The following ZFP3 variants were observed in gnomAD, a reference collection of about 807,000 sequenced individuals.
The protein encoded by ZFP3 is zinc finger protein 3 homolog.
In ZFP3, 18 loss-of-function variants were observed where a neutral mutation model predicts 36.7. That is an observed-to-expected ratio of 0.49 (90% CI 0.34 to 0.73). The LOEUF is 0.73. ZFP3 is among the 30% of genes least tolerant of loss of function. The pLI is 0.01. For missense variants in ZFP3, 495 were observed against 599.0 expected, an observed-to-expected ratio of 0.83 and a Z score of 1.81; for synonymous variants, 218 against 199.0, an observed-to-expected ratio of 1.10 and a Z score of -0.81.
chr17:5,094,039 ACCT>A lies in ZFP3; in HGVS notation c.*1032_*1034del, dbSNP rs376784737. 7 of 167,068 alleles carry A rather than the reference ACCT, an allele frequency of 4.2e-5. No homozygotes were observed. The highest frequency in any genetic ancestry group is 1.7e-4 in the African/African-American group (7 of 41,430). The allele number at this position is 167,068 out of a possible 1,614,324, so 10.3% of individuals were successfully genotyped here. On this transcript the variant is annotated 3_prime_UTR_variant, in exon 2 of 2. Transcript: ENST00000318833. ...AAGTAGCAGACAGGACTGTGGCTTC[ACCT>A]CCTCCGGGCACCTGGCTACAGTGAT...
chr17:5,091,799 C>A lies in ZFP3; in HGVS notation c.295C>A (p.Pro99Thr), dbSNP rs777286014. ...NESERGCSPS[P>T]NLVTHQGDTT... The stretch of plus-strand genomic sequence containing the variant: ...GAGTGAGAGAGGCTGCAGTCCCAGC[C>A]CAAATCTGGTTACACATCAGGGAGA... The change falls in exon 2 of 2, where the codon CCA (proline) becomes ACA (threonine). Residue 99 changes from proline to threonine, a missense_variant. By Grantham distance (38) the Pro-to-Thr change is conservative. Around this residue, in one of 3 missense-constraint regions of ZFP3, gnomAD observed 229 missense variants for 233.8 expected, o/e 0.98. Transcript: ENST00000318833. The A allele has an allele frequency of 1.9e-6, 3 of 1,613,984 alleles. No individual in the cohort carries two copies. The highest frequency in any genetic ancestry group is 1.3e-5 in the African/African-American group (1 of 74,888).
intron 1 of ZFP3, among the ~76,000 whole-genome samples, chr17:5,086,724 CTTTTTTTT>C (rs5819008): frequency 7.2e-5 from 8 of 110,660 alleles, no homozygotes; most frequent in South Asian, 2.9e-4. Context: ...CATTTTCTTT[CTTTTTTTT>C]TTTTTTTTTT....
Position 5,094,004 on chromosome 17 carries a change from TTG to T in ZFP3, c.*994_*995del, listed in dbSNP as rs1419519930. 1.2e-5 allele frequency: 2 copies of T among 167,222 alleles called. No homozygotes were observed. The highest frequency in any genetic ancestry group is 2.4e-5 in the African/African-American group (1 of 41,480). 10.4% of individuals were successfully genotyped at this position (167,222 alleles called of 1,614,324 possible). On this transcript the variant is annotated 3_prime_UTR_variant, in exon 2 of 2. Transcript: ENST00000318833. ...CATCTCCTGCCACTGCTGACAGATA[TTG>T]TGACAGTAAGTAGCAGACAGGACTG...
chr17:5,082,302 A>C (rs1046497991), intron 1 of ZFP3, among the ~76,000 whole-genome samples: 2 of 151,842 alleles, frequency 1.3e-5, no homozygotes, highest in Non-Finnish European at 2.9e-5. Flanking sequence ...AGCCAAGATC[A>C]CGCCACTGCA....
At chr17:5,090,745 A>C (rs2072145536) in intron 1 of ZFP3, among the ~76,000 whole-genome samples, 1 of 151,686 alleles carries the variant, frequency 6.6e-6, no homozygotes, top group African/African-American at 2.4e-5. Flanking sequence ...GTCTCCACTT[A>C]TTGCAACCTC....
chr17:5,094,626 T>C lies in ZFP3; in HGVS notation c.*1613T>C, dbSNP rs544059285. On this transcript the variant is annotated 3_prime_UTR_variant, in exon 2 of 2. Transcript: ENST00000318833. ...AGTTTCAACCAGCCCGATAATTCCT[T>C]AATTCTTTAAAAATTTAACTTTATA... The C allele has an allele frequency of 6.0e-6, 1 of 167,252 alleles. No homozygotes were observed. The highest frequency in any genetic ancestry group is 2.4e-5 in the African/African-American group (1 of 41,586). 10.4% of individuals were successfully genotyped at this position (167,252 alleles called of 1,614,324 possible).
intron 1 of ZFP3, among the ~76,000 whole-genome samples, chr17:5,085,408 G>A (rs952736095): frequency 9.3e-5 from 14 of 150,612 alleles, no homozygotes; most frequent in Admixed American, 8.0e-4. Flanking sequence ...TTGCTCTGTC[G>A]CCCAGGCTGG....
At chr17:5,088,658 C>G (rs1027428556) in intron 1 of ZFP3, among the ~76,000 whole-genome samples, 1 of 152,008 alleles carries the variant, frequency 6.6e-6, no homozygotes, top group Non-Finnish European at 1.5e-5. Flanking sequence ...CCGTGTTAGC[C>G]AAGATGGTCT....
chr17:5,083,262 A>G (rs2072103206), intron 1 of ZFP3, among the ~76,000 whole-genome samples: 1 of 152,188 alleles, frequency 6.6e-6, no homozygotes, highest in Non-Finnish European at 1.5e-5. Context: ...AACTCCAGTC[A>G]TTAAGACTTT....
rs2072077224 is a variant in ZFP3 at position 5,078,657 on chromosome 17, CG to C, written c.-9+83del. The C allele has an allele frequency of 6.6e-6, 1 of 152,326 alleles. No individual in the cohort carries two copies. The highest frequency in any genetic ancestry group is 6.5e-5 in the Admixed American group (1 of 15,286). The allele number at this position is 152,326 out of a possible 1,614,324, so 9.4% of individuals were successfully genotyped here. A position where few individuals can be genotyped will look rare whatever the true frequency, so the allele number is the denominator to read the frequency against. ...CCTAGAGAGCCGAGCGGAAACCCTA[CG>C]TTTAGGCCCGTTCTGACCGGGGTTC... On this transcript the variant is annotated intron_variant, in intron 1 of 1. Coordinates refer to ENST00000318833, the MANE Select transcript of ZFP3 (RefSeq NM_153018.3). The surrounding 1 kb of genome is among the most constrained non-coding windows in gnomAD (Gnocchi z 4.5).
At chr17:5,086,419 C>G (rs1160921620) in intron 1 of ZFP3, among the ~76,000 whole-genome samples, 1 of 152,166 alleles carries the variant, frequency 6.6e-6, no homozygotes, top group Non-Finnish European at 1.5e-5. Flanking sequence ...CCAGCCTCCT[C>G]TGCTGCTCAG....
intron 1 of ZFP3, among the ~76,000 whole-genome samples, chr17:5,085,257 G>T (rs896337822): frequency 1.3e-5 from 2 of 152,052 alleles, no homozygotes; most frequent in Admixed American, 1.3e-4. Flanking sequence ...TGTTGTCCAG[G>T]CTGGTCTCGA....
rs536984641 is a variant in ZFP3 at position 5,088,466 on chromosome 17, C to T, written c.-8-3031C>T. 1.6e-4 allele frequency among the ~76,000 whole-genome samples: 24 copies of T among 147,892 alleles called. 1 individual carries two copies. The East Asian group carries it at 4.9e-3, about 30-fold the overall frequency. On this transcript the variant is annotated intron_variant, in intron 1 of 1. Coordinates refer to ENST00000318833, the MANE Select transcript of ZFP3 (RefSeq NM_153018.3). Reference sequence around the variant, plus strand: ...CCAGCTGATCTTCCTATGTGCAGGCCTACTGCTTTCTTTTTTTTTTTTTTT... The same window carrying T: ...CCAGCTGATCTTCCTATGTGCAGGCTTACTGCTTTCTTTTTTTTTTTTTTT...
chr17:5,086,724 C>CTTTTTTTTTT (rs5819008), intron 1 of ZFP3, among the ~76,000 whole-genome samples: 39 of 110,646 alleles, frequency 3.5e-4, no homozygotes, highest in Admixed American at 4.7e-4. Context: ...CATTTTCTTT[C>CTTTTTTTTTT]TTTTTTTTTT....
chr17:5,081,820 C>T (rs1428299932), intron 1 of ZFP3, among the ~76,000 whole-genome samples: 1 of 150,188 alleles, frequency 6.7e-6, no homozygotes, highest in Non-Finnish European at 1.5e-5. Flanking sequence ...GCAGGATGGT[C>T]TCGATCTCCT....
intron 1 of ZFP3, among the ~76,000 whole-genome samples, chr17:5,082,261 C>T (rs2072097810): frequency 2.0e-5 from 3 of 151,866 alleles, no homozygotes; most frequent in South Asian, 4.2e-4. Context: ...GCAGGAGAAT[C>T]GCTTGAAACC....
In ZFP3 at chr17:5,093,080, C is replaced by A; in HGVS notation, c.*67C>A. On this transcript the variant is annotated 3_prime_UTR_variant, in exon 2 of 2. Transcript: ENST00000318833. ...AACTTATTCATTTGTTCATAATATGCAAATATGCACCCCAAGTATTCAAAT... is the reference window on the plus strand; with the variant it reads ...AACTTATTCATTTGTTCATAATATGAAAATATGCACCCCAAGTATTCAAAT... The A allele has an allele frequency of 6.9e-7, 1 of 1,442,046 alleles. No individual in the cohort carries two copies. The highest frequency in any genetic ancestry group is 9.3e-7 in the Non-Finnish European group (1 of 1,073,126). The allele number at this position is 1,442,046 out of a possible 1,614,324, so 89.3% of individuals were successfully genotyped here. A position where few individuals can be genotyped will look rare whatever the true frequency, so the allele number is the denominator to read the frequency against.
intron 1 of ZFP3, among the ~76,000 whole-genome samples, chr17:5,090,177 T>TCA (rs2072142755): frequency 6.6e-6 from 1 of 152,144 alleles, no homozygotes; most frequent in African/African-American, 2.4e-5. Context: ...TATACTAAAG[T>TCA]TTACTTGGGA....
chr17:5,087,276 C>G (rs141822068), intron 1 of ZFP3, among the ~76,000 whole-genome samples: 2,956 of 151,622 alleles, frequency 0.019, 93 homozygotes, highest in African/African-American at 0.068. Context: ...TGGGGTCTTG[C>G]TATGTTTCCC....
Sources: allele counts gnomAD v4.1 joint callset (sites outside exome capture counted in the v4.1 genomes callset), GRCh38; gene constraint gnomAD v4.1.1; regional missense constraint gnomAD v4.1.1; non-coding constraint Gnocchi (gnomAD v3.1); transcripts MANE v1.5; gene names NCBI Gene and HGNC (gene_info 2026-07-23, HGNC 2026-07-21).